ATP5PB: variants seen among roughly 807,000 people sequenced by gnomAD.
ATP5PB encodes the protein ATP synthase peripheral stalk subunit b, mitochondrial.
ATP5PB carries 21 observed loss-of-function variants against 34.5 expected under a neutral mutation model. The ratio of observed to expected loss-of-function variants is 0.61; its 90% CI spans 0.43 to 0.88. The LOEUF is 0.88. Ranked by LOEUF, ATP5PB falls within the 40% of genes least tolerant of loss-of-function variation. The pLI is 0.00. For synonymous variants in ATP5PB, 108 were observed against 114.1 expected, an observed-to-expected ratio of 0.95 and a Z score of 0.34; for missense variants, 293 against 317.4, an observed-to-expected ratio of 0.92 and a Z score of 0.58.
At chr1:111,455,667 C>A (rs1653450855) in intron 3 of ATP5PB, among the ~76,000 whole-genome samples, 1 of 152,138 alleles carries the variant, frequency 6.6e-6, no homozygotes, top group Non-Finnish European at 1.5e-5. Flanking sequence ...TAAATTTTAT[C>A]CGGTCTAGTG....
rs1452564434 is a variant in ATP5PB at position 111,462,427 on chromosome 1, A to T, written c.*1433A>T. The T allele has an allele frequency of 1.3e-5, 2 of 152,220 alleles. No homozygotes were observed. The highest frequency in any genetic ancestry group is 2.4e-5 in the African/African-American group (1 of 41,462). 9.4% of individuals were successfully genotyped at this position (152,220 alleles called of 1,614,324 possible). A position where few individuals can be genotyped will look rare whatever the true frequency, so the allele number is the denominator to read the frequency against. ...GGTACACTTAAAAATGGTAAATTTT[A>T]TGTGTATTTTACAATCTTTTTTTAA... is the stretch of plus-strand genomic sequence containing the variant. On this transcript the variant is annotated 3_prime_UTR_variant, in exon 7 of 7. Transcript: ENST00000369722.
chr1:111,458,043 T>C (rs1442736693), intron 5 of ATP5PB, among the ~76,000 whole-genome samples: 5 of 152,208 alleles, frequency 3.3e-5, no homozygotes, highest in Non-Finnish European at 4.4e-5. Flanking sequence ...CCTGTGTAGA[T>C]ATTCTGATCA....
intron 5 of ATP5PB, among the ~76,000 whole-genome samples, chr1:111,459,251 T>C (rs940624509): frequency 6.6e-6 from 1 of 152,190 alleles, no homozygotes; most frequent in African/African-American, 2.4e-5. Flanking sequence ...TGGGGGAGGC[T>C]GAAGGAGACT....
chr1:111,456,342 A>G, intron 4 of ATP5PB, 93 bp downstream of exon 4: 1 of 1,310,792 alleles, frequency 7.6e-7, no homozygotes, highest in Non-Finnish European at 1.0e-6. Context: ...GGGGAGCAAC[A>G]TATAGAAATG....
chr1:111,462,217 A>G lies in ATP5PB; in HGVS notation c.*1223A>G, dbSNP rs1653641263. 6.6e-6 allele frequency: 1 copy of G among 152,246 alleles called. No individual in the cohort carries two copies. The highest frequency in any genetic ancestry group is 1.5e-5 in the Non-Finnish European group (1 of 68,048). 9.4% of individuals were successfully genotyped at this position (152,246 alleles called of 1,614,324 possible). ...AGCCCAATCGGCCATCAGTAGATGA[A>G]TGGATAAGCAAAATGTAGTATATCC... is the stretch of plus-strand genomic sequence containing the variant. On this transcript the variant is annotated 3_prime_UTR_variant, in exon 7 of 7. Coordinates refer to ENST00000369722, the MANE Select transcript of ATP5PB (RefSeq NM_001688.5).
At position 111,459,448 on chromosome 1, in the gene ATP5PB, T is replaced by C. The variant is rs755871380; in HGVS notation, c.514-9T>C. Reference sequence around the variant, plus strand: ...AAACAATATTTATCATTTCTTAATTTTGCCCCAGAATAACATTGCTATGGC... The same window carrying C: ...AAACAATATTTATCATTTCTTAATTCTGCCCCAGAATAACATTGCTATGGC... On this transcript the variant is annotated splice_polypyrimidine_tract_variant and intron_variant, in intron 5 of 6. Transcript: ENST00000369722. 9 of 1,595,764 alleles carry C rather than the reference T, an allele frequency of 5.6e-6. 1 individual carries two copies. In the South Asian group the frequency reaches 9.0e-5, roughly 16 times the overall value.
intron 5 of ATP5PB, among the ~76,000 whole-genome samples, chr1:111,457,338 C>CACAA (rs1173425114): frequency 6.7e-6 from 1 of 149,986 alleles, no homozygotes; most frequent in Admixed American, 6.6e-5. Flanking sequence ...CACACACACA[C>CACAA]ACAAACAACA....
At position 111,458,987 on chromosome 1, in the gene ATP5PB, T is replaced by G. The variant is rs573986872; in HGVS notation, c.514-470T>G. 4.3e-4 allele frequency among the ~76,000 whole-genome samples: 65 copies of G among 152,338 alleles called. No individual in the cohort carries two copies. In the South Asian group the frequency reaches 0.013, roughly 30 times the overall value. Reference sequence around the variant, plus strand: ...TCAGTACTCTACAAATGTTAACTATTATTTGATCCAGCAAGTATTATGACA... The same window carrying G: ...TCAGTACTCTACAAATGTTAACTATGATTTGATCCAGCAAGTATTATGACA... On this transcript the variant is annotated intron_variant, in intron 5 of 6. Coordinates refer to ENST00000369722, the MANE Select transcript of ATP5PB (RefSeq NM_001688.5).
intron 1 of ATP5PB, 21 bp from the exon 2 acceptor site, chr1:111,449,800 ATTTGACTTTGCTGACC>A (rs1653256020): frequency 6.2e-7 from 1 of 1,613,948 alleles, no homozygotes; most frequent in African/African-American, 1.3e-5. Context: ...ACCAGATTTC[ATTTGACTTTGCTGACC>A]TTCGCCTTGT....
intron 5 of ATP5PB, among the ~76,000 whole-genome samples, chr1:111,458,479 G>GAA (rs1480911567): frequency 1.3e-5 from 2 of 152,190 alleles, no homozygotes; most frequent in African/African-American, 4.8e-5. Context: ...GCTGAGGGAA[G>GAA]AACAGTTGCA....
In ATP5PB at chr1:111,460,968, A is replaced by G; in HGVS notation, c.745A>G (p.Lys249Glu). 1 of 1,612,878 alleles carries G rather than the reference A, an allele frequency of 6.2e-7. No homozygotes were observed. The highest frequency in any genetic ancestry group is 8.5e-7 in the Non-Finnish European group (1 of 1,179,772). The part of the protein sequence containing the change: ...CIADLKLLAK[K>E]AQAQPVM ...TGCGGACCTAAAGCTGCTGGCAAAG[A>G]AGGCTCAAGCACAGCCAGTTATGTA... Residue 249 changes from lysine to glutamate, a missense_variant, in exon 7 of 7, where the codon AAG (lysine) becomes GAG (glutamate). By Grantham distance (56) the Lys-to-Glu change is moderately conservative (BLOSUM62 1). Transcript: ENST00000369722.
intron 2 of ATP5PB, among the ~76,000 whole-genome samples, chr1:111,450,105 A>G (rs1653273818): frequency 6.6e-6 from 1 of 152,132 alleles, no homozygotes; most frequent in Non-Finnish European, 1.5e-5. Flanking sequence ...TAAACTAGAA[A>G]TTGGTTTTGC....
chr1:111,449,581 G>A lies in ATP5PB; in HGVS notation c.40G>A (p.Ala14Thr), dbSNP rs1653245388. Reference protein sequence around the residue: ...RVVLSAAATAAPSLKNAAFLG... With the variant: ...RVVLSAAATATPSLKNAAFLG... ...GGTACTTTCCGCCGCCGCCACAGCG[G>A]GTAAGGGGTATAGACCCTGCTCTGG... is the stretch of plus-strand genomic sequence containing the variant. Residue 14 changes from alanine (A) to threonine (T), a missense_variant and splice_region_variant, in exon 1 of 7, where the codon GCC becomes ACC. By Grantham distance (58) the Ala-to-Thr change is moderately conservative. Coordinates refer to ENST00000369722, the MANE Select transcript of ATP5PB (RefSeq NM_001688.5). 1 of 1,607,480 alleles carries A rather than the reference G, an allele frequency of 6.2e-7. No individual in the cohort carries two copies. The highest frequency in any genetic ancestry group is 8.5e-7 in the Non-Finnish European group (1 of 1,176,466).
intron 2 of ATP5PB, among the ~76,000 whole-genome samples, chr1:111,450,802 A>G (rs1282197052): frequency 2.0e-5 from 3 of 152,248 alleles, no homozygotes; most frequent in African/African-American, 7.2e-5. Context: ...TAAGGCTATA[A>G]TTGACTGCTT....
chr1:111,456,203 A>G lies in ATP5PB; in HGVS notation c.341A>G (p.Lys114Arg), dbSNP rs1365984334. Residue 114 changes from lysine (K) to arginine (R), a missense_variant, in exon 4 of 7, where the codon AAA becomes AGA. By Grantham distance (26) the Lys-to-Arg change is conservative. Transcript: ENST00000369722. ...CTAGGTGTAATGGTCTATGGAATTAAAAAATATGGTCCCTTTGTTGCAGAC... is the reference window on the plus strand; with the variant it reads ...CTAGGTGTAATGGTCTATGGAATTAGAAAATATGGTCCCTTTGTTGCAGAC... ...SVLGVMVYGI[K>R]KYGPFVADFA... 6.2e-7 allele frequency: 1 copy of G among 1,610,156 alleles called. No individual in the cohort carries two copies. The highest frequency in any genetic ancestry group is 8.5e-7 in the Non-Finnish European group (1 of 1,178,548).
chr1:111,453,828 T>C (rs1653396548), intron 2 of ATP5PB, among the ~76,000 whole-genome samples: 1 of 152,208 alleles, frequency 6.6e-6, no homozygotes, highest in African/African-American at 2.4e-5. Context: ...AATCTGAGAT[T>C]ACAAAAGCTT....
In ATP5PB at chr1:111,460,263, G is replaced by A. The variant is rs369411036; in HGVS notation, c.693+627G>A. Among the ~76,000 whole-genome samples the A allele has an allele frequency of 4.6e-5, 7 of 151,876 alleles. No individual in the cohort carries two copies. In the South Asian group the frequency reaches 8.3e-4, roughly 18 times the overall value. On this transcript the variant is annotated intron_variant, in intron 6 of 6. Transcript: ENST00000369722. Reference sequence around the variant, plus strand: ...TTCTTTTCACCTGCATAACTTGTCTGTTTTGAACGGAAATGTTTTCTATTT... The same window carrying A: ...TTCTTTTCACCTGCATAACTTGTCTATTTTGAACGGAAATGTTTTCTATTT...
rs1265244731 is a variant in ATP5PB, at chr1:111,449,524, C to T, written c.-18C>T. 1.9e-6 allele frequency: 3 copies of T among 1,614,032 alleles called. No individual in the cohort carries two copies. Among genetic ancestry groups the T allele is most frequent in the Middle Eastern group, 1.6e-4 (1 of 6,062 alleles). ...GGTCACAGGGACGCTAAGATTGCTA[C>T]CTGGACTTTCGTTGACCATGCTGTC... On this transcript the variant is annotated 5_prime_UTR_variant, in exon 1 of 7. Coordinates refer to ENST00000369722, the MANE Select transcript of ATP5PB (RefSeq NM_001688.5).
At chr1:111,458,280 A>G (rs1419385153) in intron 5 of ATP5PB, among the ~76,000 whole-genome samples, 1 of 152,176 alleles carries the variant, frequency 6.6e-6, no homozygotes, top group Non-Finnish European at 1.5e-5. Flanking sequence ...CCAAGGCGGG[A>G]GGATCACTTG....
Sources: allele counts gnomAD v4.1 joint callset (sites outside exome capture counted in the v4.1 genomes callset), GRCh38; gene constraint gnomAD v4.1.1; transcripts MANE v1.5; gene names NCBI Gene and HGNC (gene_info 2026-07-23, HGNC 2026-07-21).